STK38: variants seen among roughly 807,000 people sequenced by gnomAD.
STK38 encodes the protein serine/threonine kinase 38.
STK38 carries 26 observed loss-of-function variants against 59.0 expected under a neutral mutation model. The observed-to-expected ratio is 0.44, with a 90% confidence interval of 0.32 to 0.61. STK38 has a LOEUF of 0.61. Among genes scored for constraint, STK38 ranks in the 20% least tolerant of loss-of-function variants. The pLI, the probability that STK38 is intolerant of heterozygous loss-of-function variation, is 0.04. For missense variants in STK38, 433 were observed against 566.0 expected, an observed-to-expected ratio of 0.76 and a Z score of 2.38; for synonymous variants, 175 against 176.6, an observed-to-expected ratio of 0.99 and a Z score of 0.07.
Position 36,495,399 on chromosome 6 carries a change from C to CTCGGTGGTCGCCGTATCATT in STK38, c.*384_*385insAATGATACGGCGACCACCGA. 5.7e-6 allele frequency: 1 copy of CTCGGTGGTCGCCGTATCATT among 176,852 alleles called. No homozygotes were observed. The highest frequency in any genetic ancestry group is 1.2e-5 in the Non-Finnish European group (1 of 82,770). The allele number at this position is 176,852 out of a possible 1,614,324, so 11.0% of individuals were successfully genotyped here. Reference sequence around the variant, plus strand: ...TTGGTGGGCTTGGCAGAGAGCGTGTCACAAAATTACAGGAACTGGCTGATA... The same window carrying CTCGGTGGTCGCCGTATCATT: ...TTGGTGGGCTTGGCAGAGAGCGTGTCTCGGTGGTCGCCGTATCATTACAAAATTACAGGAACTGGCTGATA... On this transcript the variant is annotated 3_prime_UTR_variant, in exon 14 of 14. Transcript: ENST00000229812.
At position 36,540,116 on chromosome 6, in the gene STK38, A is replaced by C; in HGVS notation, c.87T>G (p.Asn29Lys). 1 of 1,614,090 alleles carries C rather than the reference A, an allele frequency of 6.2e-7. No individual in the cohort carries two copies. Among genetic ancestry groups the C allele is most frequent in the Non-Finnish European group, 8.5e-7 (1 of 1,179,978 alleles). Residue 29 changes from asparagine to lysine, a missense_variant, in exon 2 of 14, where the codon AAT becomes AAG. Physicochemically the swap from Asn to Lys is moderately conservative, Grantham distance 94. Coordinates refer to ENST00000229812, the MANE Select transcript of STK38 (RefSeq NM_007271.4). ...RVTMTKVTLE[N>K]FYSNLIAQHE... is the part of the protein sequence containing the mutation. ...GTTGAGCGATAAGGTTGCTATAAAA[A>C]TTCTCCAGTGTCACTTTGGTCATTG...
At chr6:36,498,236 T>C in intron 11 of STK38, 127 bp downstream of exon 11, 2 of 1,334,008 alleles carry the variant, frequency 1.5e-6, no homozygotes, top group Admixed American at 4.5e-5. Flanking sequence ...ACAGCCTTTT[T>C]ATTTGTTTAA....
intron 7 of STK38, among the ~76,000 whole-genome samples, chr6:36,509,495 C>A (rs62402202): frequency 7.9e-5 from 12 of 151,300 alleles, no homozygotes; most frequent in Non-Finnish European, 1.5e-4. Context: ...TGCCTGAAAG[C>A]TTAGGTTAGA....
chr6:36,495,595 G>A lies in STK38; in HGVS notation c.*189C>T, dbSNP rs1776681839. ...GTTTATGGCCGACGTAGTAGAAATG[G>A]TTGTCTTTGTTTACAGTTTTTCAGA... On this transcript the variant is annotated 3_prime_UTR_variant, in exon 14 of 14. Transcript: ENST00000229812. The A allele has an allele frequency of 1.5e-6, 1 of 655,024 alleles. No individual in the cohort carries two copies. Among genetic ancestry groups the A allele is most frequent in the South Asian group, 2.4e-5 (1 of 42,050 alleles). The allele number at this position is 655,024 out of a possible 1,614,324, so 40.6% of individuals were successfully genotyped here.
At chr6:36,545,287 T>C (rs1322626714) in intron 1 of STK38, among the ~76,000 whole-genome samples, 1 of 90,838 alleles carries the variant, frequency 1.1e-5, no homozygotes, top group South Asian at 3.7e-4. Flanking sequence ...AGACTCCGTC[T>C]GGAAAAAAAA....
intron 7 of STK38, among the ~76,000 whole-genome samples, chr6:36,511,638 G>T (rs1777112215): frequency 6.6e-6 from 1 of 151,808 alleles, no homozygotes; most frequent in Admixed American, 6.6e-5. Context: ...TTACAGGCGT[G>T]AGCCACCACG....
chr6:36,539,276 C>G (rs892247253), intron 2 of STK38, among the ~76,000 whole-genome samples: 2 of 151,460 alleles, frequency 1.3e-5, no homozygotes, highest in African/African-American at 4.9e-5. Flanking sequence ...GTCCCAGCTA[C>G]TGAGGAGGCT....
chr6:36,498,004 A>G (rs1776747460), intron 11 of STK38, 129 bp from the exon 12 acceptor site: 4 of 655,976 alleles, frequency 6.1e-6, no homozygotes, highest in Non-Finnish European at 1.0e-5. Context: ...CAGTAGCACA[A>G]TCATGGCTCA....
At chr6:36,499,633 A>G (rs1412741754) in intron 10 of STK38, among the ~76,000 whole-genome samples, 1 of 152,240 alleles carries the variant, frequency 6.6e-6, no homozygotes, top group Non-Finnish European at 1.5e-5. Context: ...GAGAAGATGA[A>G]GGTATAAGAG....
chr6:36,502,461 T>C (rs545458504), intron 9 of STK38, among the ~76,000 whole-genome samples: 1 of 152,370 alleles, frequency 6.6e-6, no homozygotes, highest in South Asian at 2.1e-4. Context: ...TATTGATTCA[T>C]AGGAATTCTT....
intron 7 of STK38, among the ~76,000 whole-genome samples, chr6:36,513,760 T>C (rs569928924): frequency 9.9e-5 from 15 of 150,860 alleles, no homozygotes; most frequent in Non-Finnish European, 1.6e-4. Context: ...TCCCAGGACT[T>C]TGAGAGGCTG....
intron 7 of STK38, among the ~76,000 whole-genome samples, 184 bp from the exon 8 acceptor site, chr6:36,507,786 T>C (rs1777002732): frequency 6.6e-6 from 1 of 152,220 alleles, no homozygotes. Flanking sequence ...ATTATACTAA[T>C]AAAACTATTT....
At position 36,498,463 on chromosome 6, in the gene STK38, T is replaced by C; in HGVS notation, c.976A>G (p.Thr326Ala). The change falls in exon 11 of 14, where the codon ACC becomes GCC. Residue 326 changes from threonine to alanine, a missense_variant. This residue lies in a region of STK38 where 4 missense variants were observed against 21.2 expected (regional missense o/e 0.19). Transcript: ENST00000229812. ...ACCTTCTTATATGTCTCTTGAGGGGTCTCAGAACAGAAAGGTGGGTAGCCT... is the reference window on the plus strand; with the variant it reads ...ACCTTCTTATATGTCTCTTGAGGGGCCTCAGAACAGAAAGGTGGGTAGCCT... ...LIGYPPFCSETPQETYKKVMN... is the reference protein window; with the variant it reads ...LIGYPPFCSEAPQETYKKVMN... 6.2e-7 allele frequency: 1 copy of C among 1,612,412 alleles called. No homozygotes were observed. The highest frequency in any genetic ancestry group is 8.5e-7 in the Non-Finnish European group (1 of 1,179,592).
In STK38 at chr6:36,498,391, A is replaced by C; in HGVS notation, c.1048T>G (p.Ser350Ala). ...AAAATTAGATCCTTGGCTTTCTCAGAGATGGGAACTTCTGGAGGAAAAGTC... is the reference window on the plus strand; with the variant it reads ...AAAATTAGATCCTTGGCTTTCTCAGCGATGGGAACTTCTGGAGGAAAAGTC... The part of the protein sequence containing the change: ...TLTFPPEVPI[S>A]EKAKDLILRF... Residue 350 changes from serine to alanine, a missense_variant, in exon 11 of 14, where the codon TCT (serine) becomes GCT (alanine). Around this residue, in one of 3 missense-constraint regions of STK38, gnomAD observed 136 missense variants for 156.7 expected, o/e 0.87. Coordinates refer to ENST00000229812, the MANE Select transcript of STK38 (RefSeq NM_007271.4). 1 of 1,614,026 alleles carries C rather than the reference A, an allele frequency of 6.2e-7. No homozygotes were observed. Among genetic ancestry groups the C allele is most frequent in the Non-Finnish European group, 8.5e-7 (1 of 1,179,968 alleles).
intron 2 of STK38, among the ~76,000 whole-genome samples, chr6:36,527,180 A>G: frequency 7.4e-6 from 1 of 135,788 alleles, no homozygotes; most frequent in East Asian, 2.2e-4. Flanking sequence ...TGACAGAGCA[A>G]GACTCCGTCT....
At chr6:36,530,073 T>G (rs1261012353) in intron 2 of STK38, among the ~76,000 whole-genome samples, 1 of 152,078 alleles carries the variant, frequency 6.6e-6, no homozygotes, top group African/African-American at 2.4e-5. Flanking sequence ...AAACCCCATC[T>G]CTACTAAAAA....
At chr6:36,510,646 A>G (rs1232055292) in intron 7 of STK38, among the ~76,000 whole-genome samples, 1 of 145,794 alleles carries the variant, frequency 6.9e-6, no homozygotes, top group African/African-American at 2.6e-5. Context: ...CTGTATTCCA[A>G]TCATAAATCT....
chr6:36,538,891 CAAAAAA>C (rs1214217676), intron 2 of STK38, among the ~76,000 whole-genome samples: 2 of 54,138 alleles, frequency 3.7e-5, no homozygotes, highest in African/African-American at 1.4e-4. Context: ...GACTCTGTCT[CAAAAAA>C]AAAAAAAAAA....
intron 6 of STK38, among the ~76,000 whole-genome samples, 187 bp downstream of exon 6, chr6:36,517,530 G>T (rs1777285034): frequency 6.6e-6 from 1 of 152,094 alleles, no homozygotes; most frequent in Non-Finnish European, 1.5e-5. Flanking sequence ...TACTTTTATG[G>T]TACTAAGATT....
Sources: allele counts gnomAD v4.1 joint callset (sites outside exome capture counted in the v4.1 genomes callset), GRCh38; gene constraint gnomAD v4.1.1; regional missense constraint gnomAD v4.1.1; transcripts MANE v1.5; gene names NCBI Gene and HGNC (gene_info 2026-07-23, HGNC 2026-07-21).